Variants in ELP6 observed in about 807,000 individuals in gnomAD.
ELP6 encodes the protein elongator acetyltransferase complex subunit 6.
Under a neutral mutation model 28.1 loss-of-function variants are expected in ELP6, and 23 were observed. That is an observed-to-expected ratio of 0.82 (90% CI 0.59 to 1.16). The LOEUF is 1.16. ELP6 is among the 50% of genes most tolerant of loss of function. The pLI, the probability that ELP6 is intolerant of heterozygous loss-of-function variation, is 0.00. For missense variants in ELP6, 313 were observed against 334.6 expected (o/e 0.94, Z 0.50); for synonymous variants, 132 against 135.8 (o/e 0.97, Z 0.19).
At chr3:47,506,198 C>A (rs1378564800) in intron 3 of ELP6, among the ~76,000 whole-genome samples, 3 of 152,152 alleles carry the variant, frequency 2.0e-5, no homozygotes, top group Non-Finnish European at 2.9e-5. Flanking sequence ...TCACAGAGAT[C>A]ACGTATTTCA....
intron 6 of ELP6, chr3:47,496,991 C>G: frequency 1.0e-6 from 1 of 985,382 alleles, no homozygotes; most frequent in Middle Eastern, 5.2e-4. Context: ...TCTCCTCAGG[C>G]CCTGCTGCAG....
At position 47,495,874 on chromosome 3, in the gene ELP6, C is replaced by T. The variant is rs3192; in HGVS notation, c.*195G>A. The T allele has an allele frequency of 0.037, 30,218 of 817,988 alleles. 764 individuals carry two copies. The highest frequency in any genetic ancestry group is 0.042 in the Non-Finnish European group (23,180 of 554,306). The allele number at this position is 817,988 out of a possible 1,614,324, so 50.7% of individuals were successfully genotyped here. A position where few individuals can be genotyped will look rare whatever the true frequency, so the allele number is the denominator to read the frequency against. On this transcript the variant is annotated 3_prime_UTR_variant, in exon 7 of 7. Coordinates refer to ENST00000296149, the MANE Select transcript of ELP6 (RefSeq NM_001031703.3). ...CTCTCAGCAAAGGCAGGATTGTGGT[C>T]CCTTGTGTTTTCTGAACAGGGCCCA...
intron 1 of ELP6, 170 bp downstream of exon 1, chr3:47,513,367 G>C: frequency 7.1e-7 from 1 of 1,409,136 alleles, no homozygotes; most frequent in Non-Finnish European, 9.2e-7. Context: ...CTTTCGGCGG[G>C]CCCAAGCCTC....
rs1559584480 is a variant in ELP6 at position 47,496,138 on chromosome 3, A to G, written c.732T>C (p.Thr244=). The stretch of plus-strand genomic sequence containing the variant: ...TTTTGTCCTGTATCTTATACTGGTA[A>G]GTGAAGCTCTGATCCCGGTGGACTG... The part of the protein sequence containing the change: ...QPAVHRDQSF[T]YQYKIQDKSV... The change falls in exon 7 of 7, where the codon ACT becomes ACC. Residue 244 remains threonine, a synonymous_variant. Transcript: ENST00000296149. 6.2e-7 allele frequency: 1 copy of G among 1,614,156 alleles called. No homozygotes were observed. The highest frequency in any genetic ancestry group is 1.7e-5 in the Admixed American group (1 of 60,002).
rs1372629938 is a variant in ELP6 at position 47,496,209 on chromosome 3, GAGA to G, written c.673-15_673-13del. ...CACAGGATCCTCAGCTACAGAGACA[GAGA>G]AGAATGAAAGAGGAGCAGCCACCCC... On this transcript the variant is annotated splice_polypyrimidine_tract_variant and intron_variant, in intron 6 of 6. Transcript: ENST00000296149. 2.5e-6 allele frequency: 4 copies of G among 1,612,102 alleles called. No homozygotes were observed. The highest frequency in any genetic ancestry group is 3.4e-6 in the Non-Finnish European group (4 of 1,179,570).
intron 3 of ELP6, among the ~76,000 whole-genome samples, chr3:47,508,828 G>A (rs1337228656): frequency 6.8e-6 from 1 of 146,670 alleles, no homozygotes; most frequent in South Asian, 2.1e-4. Flanking sequence ...GCAGTGGCGT[G>A]ATCTCAGCTC....
chr3:47,499,333 A>G (rs1375370232), intron 5 of ELP6, among the ~76,000 whole-genome samples: 1 of 152,106 alleles, frequency 6.6e-6, no homozygotes, highest in Non-Finnish European at 1.5e-5. Context: ...CCTAGCCAAC[A>G]TGGTGAAACC....
At position 47,501,876 on chromosome 3, in the gene ELP6, C is replaced by T. The variant is rs750355887; in HGVS notation, c.324-25G>A. On this transcript the variant is annotated intron_variant, in intron 4 of 6. Coordinates refer to ENST00000296149, the MANE Select transcript of ELP6 (RefSeq NM_001031703.3). The stretch of plus-strand genomic sequence containing the variant: ...CCTGGAGAGACAGGACAAAAGTTAC[C>T]AGACTTCACTCTCTCTACAGATGTT... 6.9e-6 allele frequency: 11 copies of T among 1,598,660 alleles called. No individual in the cohort carries two copies. The South Asian group carries it at 1.0e-4, about 15-fold the overall frequency.
At chr3:47,500,909 C>T (rs1708629728) in intron 5 of ELP6, among the ~76,000 whole-genome samples, 1 of 152,212 alleles carries the variant, frequency 6.6e-6, no homozygotes, top group South Asian at 2.1e-4. Flanking sequence ...TCCACACGTT[C>T]CTGCCAGCTA....
intron 3 of ELP6, among the ~76,000 whole-genome samples, chr3:47,506,932 A>C (rs1708855271): frequency 1.3e-5 from 2 of 152,192 alleles, no homozygotes; most frequent in African/African-American, 4.8e-5. Context: ...GGAGTCCCTG[A>C]CTTCCTGCAA....
At chr3:47,510,113 G>A in intron 3 of ELP6, 71 bp downstream of exon 3, 1 of 1,256,788 alleles carries the variant, frequency 8.0e-7, no homozygotes, top group South Asian at 1.2e-5. Flanking sequence ...AAACAGGAAA[G>A]CCAAGCTTTA....
chr3:47,501,892 T>G, intron 4 of ELP6, 41 bp from the exon 5 acceptor site: 1 of 1,571,574 alleles, frequency 6.4e-7, no homozygotes, highest in Non-Finnish European at 8.7e-7. Context: ...TCACTCTCTC[T>G]ACAGATGTTT....
intron 5 of ELP6, among the ~76,000 whole-genome samples, chr3:47,500,690 C>A (rs907917350): frequency 6.6e-6 from 1 of 152,186 alleles, no homozygotes; most frequent in Non-Finnish European, 1.5e-5. Context: ...AACAGTTCCT[C>A]CTCCTCCCAT....
At chr3:47,503,519 C>T (rs1037480353) in intron 4 of ELP6, 1 of 993,406 alleles carries the variant, frequency 1.0e-6, no homozygotes, top group African/African-American at 1.7e-5. Context: ...CTATTTGTTG[C>T]TGTAGTGCAA....
chr3:47,502,638 C>G (rs1483487890), intron 4 of ELP6: 1 of 818,972 alleles, frequency 1.2e-6, no homozygotes, highest in Non-Finnish European at 1.5e-6. Flanking sequence ...AGTTCAAGAA[C>G]AGCCTAGGCA....
At chr3:47,502,327 T>C (rs1336434254) in intron 4 of ELP6, 2 of 812,136 alleles carry the variant, frequency 2.5e-6, no homozygotes, top group African/African-American at 3.7e-5. Flanking sequence ...GGAGAATTGC[T>C]TGAACCTGGG....
intron 3 of ELP6, among the ~76,000 whole-genome samples, chr3:47,507,338 G>A (rs1189872224): frequency 1.4e-5 from 2 of 147,978 alleles, no homozygotes; most frequent in African/African-American, 5.0e-5. Flanking sequence ...TCCAGCCTGG[G>A]CAACAAGAGT....
chr3:47,505,639 T>G (rs1017887780), intron 3 of ELP6, among the ~76,000 whole-genome samples: 1 of 152,186 alleles, frequency 6.6e-6, no homozygotes, highest in Non-Finnish European at 1.5e-5. Flanking sequence ...TGGTGCGATC[T>G]TGGCTCACTG....
chr3:47,513,459 C>A, intron 1 of ELP6, 78 bp downstream of exon 1: 3 of 1,574,222 alleles, frequency 1.9e-6, no homozygotes, highest in South Asian at 1.1e-5. Flanking sequence ...TCCCCGGGGT[C>A]GTGCGCACCG....
Sources: allele counts gnomAD v4.1 joint callset (sites outside exome capture counted in the v4.1 genomes callset), GRCh38; gene constraint gnomAD v4.1.1; transcripts MANE v1.5; gene names NCBI Gene and HGNC (gene_info 2026-07-23, HGNC 2026-07-21).